TNNI3K: variants seen among roughly 807,000 people sequenced by gnomAD.
TNNI3K encodes serine/threonine-protein kinase TNNI3K.
In TNNI3K, 140 loss-of-function variants were observed where a neutral mutation model predicts 114.5. The ratio of observed to expected loss-of-function variants is 1.22; its 90% CI spans 1.07 to 1.41. The LOEUF (loss-of-function observed/expected upper bound fraction) is 1.41. TNNI3K is among the 40% of genes most tolerant of loss of function. The probability of loss-of-function intolerance (pLI) is 0.00; values close to 1 mark genes in which losing one functional copy is unlikely to be tolerated. For missense variants in TNNI3K, 1,125 were observed against 1,007.6 expected (o/e 1.12, Z -1.58); for synonymous variants, 347 against 347.5 (o/e 1.00, Z 0.02).
At chr1:74,420,282 T>G (rs750621911) in intron 17 of TNNI3K, among the ~76,000 whole-genome samples, 1 of 152,130 alleles carries the variant, frequency 6.6e-6, no homozygotes, top group Non-Finnish European at 1.5e-5. Flanking sequence ...AACTGCTGTT[T>G]GAAATTTAAC....
At chr1:74,385,974 A>G (rs1663455368) in intron 17 of TNNI3K, among the ~76,000 whole-genome samples, 1 of 152,158 alleles carries the variant, frequency 6.6e-6, no homozygotes, top group African/African-American at 2.4e-5. Flanking sequence ...CGTGGGAGGG[A>G]CCCAGTGGGA....
chr1:74,520,135 C>A (rs899272936), intron 23 of TNNI3K, among the ~76,000 whole-genome samples: 1 of 140,554 alleles, frequency 7.1e-6, no homozygotes, highest in African/African-American at 2.7e-5. Flanking sequence ...AATTTGTAGT[C>A]TTTTATCCCA....
chr1:74,296,681 G>T (rs1254406818), intron 5 of TNNI3K, among the ~76,000 whole-genome samples: 2 of 152,094 alleles, frequency 1.3e-5, no homozygotes. Flanking sequence ...CAATTTTGAA[G>T]GATATTTTTA....
chr1:74,313,144 T>C (rs1410376878), intron 5 of TNNI3K, among the ~76,000 whole-genome samples: 2 of 152,202 alleles, frequency 1.3e-5, no homozygotes, highest in Non-Finnish European at 2.9e-5. Context: ...GGATAGCTCC[T>C]ACATGTTCTC....
intron 21 of TNNI3K, among the ~76,000 whole-genome samples, chr1:74,478,707 T>C (rs1269682200): frequency 6.6e-6 from 1 of 152,218 alleles, no homozygotes; most frequent in African/African-American, 2.4e-5. Flanking sequence ...CTTAACTTAG[T>C]ACCTTCTAAA....
intron 11 of TNNI3K, among the ~76,000 whole-genome samples, chr1:74,365,893 T>C (rs1662245056): frequency 6.6e-6 from 1 of 152,020 alleles, no homozygotes; most frequent in Admixed American, 6.6e-5. Flanking sequence ...TAGACACTAG[T>C]TTTTAACTAT....
intron 23 of TNNI3K, among the ~76,000 whole-genome samples, chr1:74,493,994 G>A (rs578090369): frequency 6.6e-6 from 1 of 152,098 alleles, no homozygotes; most frequent in Non-Finnish European, 1.5e-5. Flanking sequence ...ATATAAATAC[G>A]GTTGTCAGGG....
chr1:74,326,673 T>C (rs924107932), intron 5 of TNNI3K, among the ~76,000 whole-genome samples: 3 of 152,130 alleles, frequency 2.0e-5, no homozygotes, highest in South Asian at 2.1e-4. Flanking sequence ...TGTCACTAAG[T>C]TTTATAGGCA....
At chr1:74,290,616 T>C (rs1008339291) in intron 5 of TNNI3K, among the ~76,000 whole-genome samples, 4 of 151,820 alleles carry the variant, frequency 2.6e-5, no homozygotes, top group Non-Finnish European at 4.4e-5. Flanking sequence ...TTGTACAAGA[T>C]TATACATTGA....
At chr1:74,472,670 C>T (rs1187455606) in intron 21 of TNNI3K, among the ~76,000 whole-genome samples, 1 of 152,028 alleles carries the variant, frequency 6.6e-6, no homozygotes, top group Non-Finnish European at 1.5e-5. Flanking sequence ...AAGGGAAATA[C>T]TTGCAATACT....
chr1:74,311,610 A>C (rs946661804), intron 5 of TNNI3K, among the ~76,000 whole-genome samples: 1 of 152,194 alleles, frequency 6.6e-6, no homozygotes, highest in African/African-American at 2.4e-5. Context: ...GAAGGTATCA[A>C]GAACAGTAAA....
Position 74,236,144 on chromosome 1 carries a change from T to C in TNNI3K, c.83T>C (p.Ile28Thr). 2 of 1,608,210 alleles carry C rather than the reference T, an allele frequency of 1.2e-6. No homozygotes were observed. The highest frequency in any genetic ancestry group is 1.7e-6 in the Non-Finnish European group (2 of 1,176,026). Reference sequence around the variant, plus strand: ...GTCAGTGAATCATATGTTATCACAATAGAAAGATTAGAAGATGACCTGCAG... The same window carrying C: ...GTCAGTGAATCATATGTTATCACAACAGAAAGATTAGAAGATGACCTGCAG... ...KKVSESYVIT[I>T]ERLEDDLQIK... is the part of the protein sequence containing the mutation. The change falls in exon 2 of 25, where the codon ATA becomes ACA. Residue 28 changes from isoleucine to threonine, a missense_variant. Coordinates refer to ENST00000326637, the MANE Select transcript of TNNI3K (RefSeq NM_015978.3).
intron 19 of TNNI3K, among the ~76,000 whole-genome samples, chr1:74,437,327 T>C (rs1666181393): frequency 6.6e-6 from 1 of 152,084 alleles, no homozygotes; most frequent in Non-Finnish European, 1.5e-5. Flanking sequence ...TGTTCATTTT[T>C]TGCATCATCA....
At chr1:74,393,641 G>C (rs1261824880) in intron 17 of TNNI3K, among the ~76,000 whole-genome samples, 1 of 152,106 alleles carries the variant, frequency 6.6e-6, no homozygotes. Context: ...TTTTGGAATA[G>C]TATTATACAG....
intron 5 of TNNI3K, among the ~76,000 whole-genome samples, chr1:74,278,476 TGCAGA>T (rs1252202103): frequency 7.2e-5 from 11 of 152,284 alleles, no homozygotes; most frequent in African/African-American, 2.2e-4. Flanking sequence ...ATGCCATATC[TGCAGA>T]TCTGAACCCC....
intron 5 of TNNI3K, among the ~76,000 whole-genome samples, chr1:74,296,051 G>A (rs563383614): frequency 9.9e-4 from 150 of 151,810 alleles, no homozygotes; most frequent in Non-Finnish European, 1.5e-3. Context: ...CAAGGCGGGC[G>A]GATCACAAGG....
chr1:74,391,722 GAAAGA>G (rs1663781169), intron 17 of TNNI3K, among the ~76,000 whole-genome samples: 2 of 152,250 alleles, frequency 1.3e-5, no homozygotes, highest in South Asian at 2.1e-4. Flanking sequence ...CATTTATGGA[GAAAGA>G]AAAGAGAAGA....
At chr1:74,495,203 C>G (rs1669267592) in intron 23 of TNNI3K, among the ~76,000 whole-genome samples, 1 of 152,170 alleles carries the variant, frequency 6.6e-6, no homozygotes, top group African/African-American at 2.4e-5. Flanking sequence ...CATGGCATTT[C>G]CCTGAGGATT....
intron 6 of TNNI3K, among the ~76,000 whole-genome samples, chr1:74,332,335 C>G (rs1660246217): frequency 1.3e-5 from 2 of 149,182 alleles, no homozygotes. Flanking sequence ...GAGTATTGCT[C>G]TGTCGCCCAG....
Sources: gnomAD v4.1 joint callset for allele counts (sites outside exome capture counted in the v4.1 genomes callset) on GRCh38, gnomAD v4.1.1 for gene constraint, MANE v1.5 for transcripts, NCBI Gene and HGNC (gene_info 2026-07-23, HGNC 2026-07-21) for gene names.